The following DPF3 variants were observed in gnomAD, a reference collection of about 807,000 sequenced individuals.
DPF3 encodes the protein zinc finger protein DPF3.
DPF3 carries 18 observed loss-of-function variants against 56.8 expected under a neutral mutation model. That is an observed-to-expected ratio of 0.32 (90% CI 0.22 to 0.47). The LOEUF is 0.47. Ranked by LOEUF, DPF3 falls within the 20% of genes least tolerant of loss-of-function variation. The pLI, the probability that DPF3 is intolerant of heterozygous loss-of-function variation, is 1.00. For synonymous variants in DPF3, 188 were observed against 180.2 expected (o/e 1.04, Z -0.35); for missense variants, 403 against 488.8 (o/e 0.82, Z 1.65).
chr14:72,668,334 A>G (rs757222192), intron 8 of DPF3, among the ~76,000 whole-genome samples: 1 of 152,232 alleles, frequency 6.6e-6, no homozygotes, highest in Non-Finnish European at 1.5e-5. Context: ...GAACTTGATC[A>G]TCTTAAAAGT....
rs552123090 is a variant in DPF3 at position 72,755,406 on chromosome 14, G to T, written c.194-2035C>A. The stretch of plus-strand genomic sequence containing the variant: ...CTAGTTTGAATCTCCAGAAGAAGGG[G>T]CTGTTTTTGTTCCATTCTTTCTCTG... On this transcript the variant is annotated intron_variant, in intron 2 of 10. Transcript: ENST00000556509. Among the ~76,000 whole-genome samples the T allele has an allele frequency of 2.0e-5, 3 of 152,248 alleles. No homozygotes were observed. The East Asian group carries it at 5.8e-4, about 29-fold the overall frequency.
rs1407297234 is a variant in DPF3 at position 72,770,033 on chromosome 14, C to A, written c.193+1700G>T. Among the ~76,000 whole-genome samples the A allele has an allele frequency of 2.6e-5, 4 of 151,996 alleles. No homozygotes were observed. The East Asian group carries it at 5.8e-4, about 22-fold the overall frequency. Reference sequence around the variant, plus strand: ...TAACAAATGAAGATATAATGATAGTCCTGGATTGAATATTAACTTTTTGCA... The same window carrying A: ...TAACAAATGAAGATATAATGATAGTACTGGATTGAATATTAACTTTTTGCA... On this transcript the variant is annotated intron_variant, in intron 2 of 10. Coordinates refer to ENST00000556509, the MANE Select transcript of DPF3 (RefSeq NM_001280542.3).
chr14:72,888,321 C>A (rs1415710143), intron 1 of DPF3, among the ~76,000 whole-genome samples: 1 of 152,192 alleles, frequency 6.6e-6, no homozygotes, highest in Non-Finnish European at 1.5e-5. Context: ...CACCTCCTAA[C>A]CACTGCTTTT....
chr14:72,723,810 C>G, intron 4 of DPF3, 82 bp from the exon 5 acceptor site: 1 of 1,352,200 alleles, frequency 7.4e-7, no homozygotes, highest in Non-Finnish European at 1.0e-6. Context: ...TAAGGGTGTT[C>G]TGATTTGTTG....
At chr14:72,733,331 T>C (rs1401509711) in intron 3 of DPF3, among the ~76,000 whole-genome samples, 3 of 152,038 alleles carry the variant, frequency 2.0e-5, no homozygotes, top group Non-Finnish European at 2.9e-5. Context: ...GAGTTTAGTG[T>C]AGGGACTATT....
chr14:72,691,403 C>G (rs1887674185), intron 7 of DPF3, among the ~76,000 whole-genome samples: 1 of 152,050 alleles, frequency 6.6e-6, no homozygotes, highest in African/African-American at 2.4e-5. Flanking sequence ...CAGGATAGAC[C>G]CTAATATCCA....
intron 8 of DPF3, among the ~76,000 whole-genome samples, chr14:72,665,558 T>G (rs1886407768): frequency 6.6e-6 from 1 of 152,228 alleles, no homozygotes; most frequent in Non-Finnish European, 1.5e-5. Context: ...AGTTTAGTCA[T>G]TAGAAAAACA....
intron 1 of DPF3, among the ~76,000 whole-genome samples, chr14:72,883,975 C>G (rs1296389284): frequency 6.6e-6 from 1 of 151,700 alleles, no homozygotes; most frequent in Non-Finnish European, 1.5e-5. Flanking sequence ...TTGCCACTGA[C>G]CTCCAATGCC....
intron 1 of DPF3, among the ~76,000 whole-genome samples, chr14:72,879,090 A>G (rs1454196306): frequency 6.6e-6 from 1 of 152,210 alleles, no homozygotes; most frequent in Admixed American, 6.5e-5. Flanking sequence ...CTTGGGACAG[A>G]AAGGCACATG....
intron 1 of DPF3, among the ~76,000 whole-genome samples, chr14:72,890,951 A>T (rs1291880449): frequency 6.6e-6 from 1 of 152,162 alleles, no homozygotes; most frequent in East Asian, 1.9e-4. Context: ...GGTGAAGGGT[A>T]CAACAAGGAA....
At chr14:72,798,988 G>A (rs1053693212) in intron 1 of DPF3, among the ~76,000 whole-genome samples, 1 of 152,214 alleles carries the variant, frequency 6.6e-6, no homozygotes, top group African/African-American at 2.4e-5. Flanking sequence ...TCTCAGGAGT[G>A]TGCAGGAGGC....
chr14:72,821,531 C>T (rs920068465), intron 1 of DPF3, among the ~76,000 whole-genome samples: 10 of 152,150 alleles, frequency 6.6e-5, no homozygotes, highest in African/African-American at 1.2e-4. Flanking sequence ...GATGAACTAT[C>T]GAATATTGTC....
At chr14:72,819,909 A>T (rs953753141) in intron 1 of DPF3, among the ~76,000 whole-genome samples, 4 of 152,306 alleles carry the variant, frequency 2.6e-5, no homozygotes, top group Admixed American at 6.5e-5. Flanking sequence ...CTACACTCCA[A>T]CCTGGGCGAC....
intron 1 of DPF3, among the ~76,000 whole-genome samples, chr14:72,813,900 G>T (rs780694410): frequency 9.2e-5 from 14 of 152,144 alleles, no homozygotes; most frequent in Non-Finnish European, 2.1e-4. Context: ...ACCATAATCA[G>T]TGTGGGAAGG....
Position 72,610,895 on chromosome 14 carries a change from G to A in DPF3, c.*8402C>T, listed in dbSNP as rs1288527980. On this transcript the variant is annotated 3_prime_UTR_variant, in exon 11 of 11. Coordinates refer to ENST00000556509, the MANE Select transcript of DPF3 (RefSeq NM_001280542.3). ...CTTTGCCTCACCCCTTCCACCAGCA[G>A]GGCCATTCAGAGAAGTCTTGGCTCA... Among the ~76,000 whole-genome samples the A allele has an allele frequency of 6.6e-6, 1 of 152,228 alleles. No individual in the cohort carries two copies. The highest frequency in any genetic ancestry group is 6.5e-5 in the Admixed American group (1 of 15,288).
chr14:72,756,884 G>GGAAGGAAA lies in DPF3; in HGVS notation c.194-3514_194-3513insTTTCCTTC. ...AGAAAGAAAGAAAGGAAGGAAAGAA[G>GGAAGGAAA]GAAAGAAAGAAAGAAAAGAAAAAAA... On this transcript the variant is annotated intron_variant, in intron 2 of 10. Transcript: ENST00000556509. Among the ~76,000 whole-genome samples the GGAAGGAAA allele has an allele frequency of 4.2e-5, 2 of 47,818 alleles. 1 individual carries two copies. The highest frequency in any genetic ancestry group is 2.3e-4 in the African/African-American group (2 of 8,866). The allele number at this position is 47,818 out of a possible 152,430, so 31.4% of individuals were successfully genotyped here. A position where few individuals can be genotyped will look rare whatever the true frequency, so the allele number is the denominator to read the frequency against.
At chr14:72,699,853 C>T (rs1888082529) in intron 6 of DPF3, among the ~76,000 whole-genome samples, 1 of 152,166 alleles carries the variant, frequency 6.6e-6, no homozygotes, top group Admixed American at 6.5e-5. Flanking sequence ...GGGAAGTTGC[C>T]TTAGCAAGAA....
At chr14:72,724,614 A>G (rs1276835013) in intron 4 of DPF3, among the ~76,000 whole-genome samples, 2 of 152,016 alleles carry the variant, frequency 1.3e-5, no homozygotes, top group African/African-American at 4.8e-5. Context: ...AAAAGACTGT[A>G]GCAGAGGACC....
chr14:72,750,429 A>G (rs1397292310), intron 3 of DPF3, among the ~76,000 whole-genome samples: 1 of 152,248 alleles, frequency 6.6e-6, no homozygotes, highest in East Asian at 1.9e-4. Context: ...AATGTTAAGA[A>G]TAAAGACTAA....
Sources: gnomAD v4.1 joint callset for allele counts (sites outside exome capture counted in the v4.1 genomes callset) on GRCh38, gnomAD v4.1.1 for gene constraint, MANE v1.5 for transcripts, NCBI Gene and HGNC (gene_info 2026-07-23, HGNC 2026-07-21) for gene names.